The following MGA variants were observed in gnomAD, a reference collection of about 807,000 sequenced individuals.
MGA encodes the protein MAX dimerization protein MGA.
Under a neutral mutation model 261.1 loss-of-function variants are expected in MGA, and 40 were observed. The observed-to-expected ratio is 0.15, with a 90% CI of 0.12 to 0.20. The LOEUF is 0.20. Ranked by LOEUF, MGA falls within the 10% of genes least tolerant of loss-of-function variation. The probability of loss-of-function intolerance (pLI) is 1.00; values close to 1 mark genes in which losing one functional copy is unlikely to be tolerated. For missense variants in MGA, 3,397 were observed against 3,630.5 expected, an observed-to-expected ratio of 0.94 and a Z score of 1.65; for synonymous variants, 1,302 against 1,290.6, an observed-to-expected ratio of 1.01 and a Z score of -0.19.
rs1555419080 is a variant in MGA, at chr15:41,703,371, C to CCCG, written c.2188+4214_2188+4215insGCC. Among the ~76,000 whole-genome samples, 198 of 134,130 alleles carry CCCG rather than the reference C, an allele frequency of 1.5e-3. 22 individuals carry two copies. In the East Asian group the frequency reaches 0.03, roughly 20 times the overall value. 88.0% of individuals were successfully genotyped at this position (134,130 alleles called of 152,430 possible). A position where few individuals can be genotyped will look rare whatever the true frequency, so the allele number is the denominator to read the frequency against. On this transcript the variant is annotated intron_variant, in intron 5 of 23. Coordinates refer to ENST00000219905, the MANE Select transcript of MGA (RefSeq NM_001164273.2). Reference sequence around the variant, plus strand: ...TCAGTTTATTCATTGTGAAGTTACCCCCCCCCCCACTCCCCACCCTCCCTT... The same window carrying CCCG: ...TCAGTTTATTCATTGTGAAGTTACCCCCGCCCCCCCCACTCCCCACCCTCCCTT...
chr15:41,764,730 G>A (rs1355989573), intron 22 of MGA, among the ~76,000 whole-genome samples, 156 bp from the exon 23 acceptor site: 2 of 151,924 alleles, frequency 1.3e-5, no homozygotes, highest in Admixed American at 1.3e-4. Flanking sequence ...TAGAGATGGA[G>A]ATGGGGTCTC....
chr15:41,726,679 A>G (rs1255822854), intron 9 of MGA, among the ~76,000 whole-genome samples: 2 of 152,132 alleles, frequency 1.3e-5, no homozygotes, highest in Non-Finnish European at 2.9e-5. Context: ...CCATGAGCCA[A>G]GATTGCGCCA....
At chr15:41,761,893 C>A in intron 21 of MGA, 43 bp downstream of exon 21, 1 of 1,375,332 alleles carries the variant, frequency 7.3e-7, no homozygotes, top group Non-Finnish European at 1.0e-6. Context: ...ATAATTATAG[C>A]TTTATCAAGA....
Position 41,711,196 on chromosome 15 carries a change from G to A in MGA, c.2931G>A (p.Gln977=). 2.5e-6 allele frequency: 4 copies of A among 1,614,018 alleles called. No individual in the cohort carries two copies. The highest frequency in any genetic ancestry group is 1.1e-5 in the South Asian group (1 of 91,086). The change falls in exon 8 of 24, where the codon CAG becomes CAA. Residue 977 remains glutamine (Q), a synonymous_variant. Coordinates refer to ENST00000219905, the MANE Select transcript of MGA (RefSeq NM_001164273.2). ...GTTTGCGGCAGGCACAGCAGCAGCA[G>A]CAACAGCAACAGGGAAGTCGCCCTC...
chr15:41,757,873 T>C (rs1385157884), intron 19 of MGA, 34 bp downstream of exon 19: 3 of 1,526,458 alleles, frequency 2.0e-6, no homozygotes. Context: ...AATTACTCAT[T>C]GAATAAAATT....
rs767582680 is a variant in MGA, at chr15:41,707,879, A to G, written c.2320+20A>G. The stretch of plus-strand genomic sequence containing the variant: ...CTCCTGGTGAGTATGTAACATTTGT[A>G]AAGTCAAACACTATTTTTCTTGAAG... On this transcript the variant is annotated intron_variant, in intron 6 of 23. Transcript: ENST00000219905. 3 of 1,594,070 alleles carry G rather than the reference A, an allele frequency of 1.9e-6. No homozygotes were observed. In the South Asian group the frequency reaches 3.5e-5, roughly 18 times the overall value.
intron 22 of MGA, 100 bp downstream of exon 22, chr15:41,762,462 T>C (rs1282825508): frequency 4.5e-5 from 3 of 66,082 alleles, no homozygotes; most frequent in Non-Finnish European, 9.1e-5. Context: ...TTTTGTGTGG[T>C]TTTTTTTTTT....
At chr15:41,643,049 TGTGTC>T (rs1566929342) in intron 1 of MGA, among the ~76,000 whole-genome samples, 4 of 151,406 alleles carry the variant, frequency 2.6e-5, no homozygotes, top group Admixed American at 6.6e-5. Context: ...ATTATAGGCA[TGTGTC>T]ACCACACTTA....
chr15:41,668,274 C>T (rs1448429648), intron 1 of MGA, among the ~76,000 whole-genome samples: 1 of 152,076 alleles, frequency 6.6e-6, no homozygotes, highest in Non-Finnish European at 1.5e-5. Context: ...TTTGTCATGG[C>T]TTCTTTAAAC....
rs148218570 is a variant in MGA, at chr15:41,632,071, C to T, written c.-68+10773C>T. Among the ~76,000 whole-genome samples, 8 of 152,288 alleles carry T rather than the reference C, an allele frequency of 5.3e-5. No homozygotes were observed. In the South Asian group the frequency reaches 1.4e-3, roughly 28 times the overall value. ...CTTACTTAGCTTGACACATAAAGCTCACTACCTCATAGTTTATCTCACGTC... is the reference window on the plus strand; with the variant it reads ...CTTACTTAGCTTGACACATAAAGCTTACTACCTCATAGTTTATCTCACGTC... On this transcript the variant is annotated intron_variant, in intron 1 of 8. Transcript: ENST00000566718.
intron 5 of MGA, among the ~76,000 whole-genome samples, chr15:41,705,213 C>T (rs868244801): frequency 6.6e-6 from 1 of 152,164 alleles, no homozygotes; most frequent in Non-Finnish European, 1.5e-5. Flanking sequence ...GATCTGCCCA[C>T]CTCAACCTCC....
intron 9 of MGA, among the ~76,000 whole-genome samples, chr15:41,720,000 T>C (rs2060854116): frequency 6.6e-6 from 1 of 152,206 alleles, no homozygotes; most frequent in African/African-American, 2.4e-5. Context: ...ATGCTGCTTC[T>C]CACTTTCATC....
rs1045804183 is a variant in MGA at position 41,668,863 on chromosome 15, G to C, written c.-32G>C. On this transcript the variant is annotated 5_prime_UTR_variant, in exon 2 of 24. Coordinates refer to ENST00000219905, the MANE Select transcript of MGA (RefSeq NM_001164273.2). ...CCATTGTGACTATGTGGTGATTACAGTTGTCTTACTACTGAGTTTCCTACT... is the reference window on the plus strand; with the variant it reads ...CCATTGTGACTATGTGGTGATTACACTTGTCTTACTACTGAGTTTCCTACT... 1 of 1,488,190 alleles carries C rather than the reference G, an allele frequency of 6.7e-7. No individual in the cohort carries two copies. Among genetic ancestry groups the C allele is most frequent in the South Asian group, 1.4e-5 (1 of 72,438 alleles). 92.2% of individuals were successfully genotyped at this position (1,488,190 alleles called of 1,614,324 possible).
At chr15:41,734,622 T>C in intron 12 of MGA, 28 bp downstream of exon 12, 2 of 1,484,000 alleles carry the variant, frequency 1.3e-6, no homozygotes, top group Non-Finnish European at 9.2e-7. Context: ...ATCTTAACAT[T>C]TGATAAAAAT....
At chr15:41,740,918 G>A (rs987217336) in intron 14 of MGA, among the ~76,000 whole-genome samples, 1 of 152,180 alleles carries the variant, frequency 6.6e-6, no homozygotes, top group African/African-American at 2.4e-5. Flanking sequence ...AGCATTGAGA[G>A]TATCTATAGT....
intron 1 of MGA, among the ~76,000 whole-genome samples, chr15:41,654,514 T>C (rs975915312): frequency 6.6e-6 from 1 of 152,226 alleles, no homozygotes; most frequent in African/African-American, 2.4e-5. Flanking sequence ...ATTCCTGCGT[T>C]GATCACCATA....
chr15:41,627,662 T>C (rs1751953912), intron 1 of MGA, among the ~76,000 whole-genome samples: 1 of 152,216 alleles, frequency 6.6e-6, no homozygotes, highest in African/African-American at 2.4e-5. Context: ...GCATTTATAA[T>C]AAGTAATACA....
chr15:41,624,254 A>G (rs1017813788), intron 1 of MGA, among the ~76,000 whole-genome samples: 1 of 147,988 alleles, frequency 6.8e-6, no homozygotes, highest in Non-Finnish European at 1.5e-5. Context: ...TTTTTTTTTA[A>G]TTTTATTTTT....
chr15:41,741,106 T>A (rs1428443603), intron 14 of MGA, among the ~76,000 whole-genome samples: 4 of 152,258 alleles, frequency 2.6e-5, no homozygotes, highest in African/African-American at 9.6e-5. Context: ...TCCAGCACTT[T>A]GGGAGGCCGA....
Sources: allele counts gnomAD v4.1 joint callset (sites outside exome capture counted in the v4.1 genomes callset), GRCh38; gene constraint gnomAD v4.1.1; transcripts MANE v1.5; gene names NCBI Gene and HGNC (gene_info 2026-07-23, HGNC 2026-07-21).